FNDC3B: variants seen among roughly 807,000 people sequenced by gnomAD.
FNDC3B encodes fibronectin type III domain containing 3B.
A neutral mutation model predicts 151.5 loss-of-function variants in FNDC3B; 12 were observed. That is an observed-to-expected ratio of 0.08 (90% confidence interval 0.05 to 0.13). FNDC3B has a LOEUF of 0.13. Among genes scored for constraint, FNDC3B ranks in the 10% least tolerant of loss-of-function variants. The pLI, the probability that FNDC3B is intolerant of heterozygous loss-of-function variation, is 1.00. For missense variants in FNDC3B, 1,214 were observed against 1,505.3 expected (o/e 0.81, Z 3.20); for synonymous variants, 528 against 549.0 (o/e 0.96, Z 0.54).
At chr3:172,130,873 A>T (rs535191857) in intron 2 of FNDC3B, among the ~76,000 whole-genome samples, 1 of 152,256 alleles carries the variant, frequency 6.6e-6, no homozygotes, top group South Asian at 2.1e-4. Flanking sequence ...CAGCTAATTA[A>T]TTCCATGGGC....
intron 22 of FNDC3B, 23 bp downstream of exon 22, chr3:172,353,106 C>A: frequency 6.2e-7 from 1 of 1,606,152 alleles, no homozygotes; most frequent in Non-Finnish European, 8.5e-7. Context: ...GAGTAGAAAT[C>A]TGCATCAGCA....
chr3:172,247,729 A>G lies in FNDC3B; in HGVS notation c.461A>G (p.Gln154Arg). The G allele has an allele frequency of 6.2e-7, 1 of 1,614,116 alleles. No individual in the cohort carries two copies. The highest frequency in any genetic ancestry group is 1.7e-5 in the Admixed American group (1 of 60,012). ...ACCGGACCTGGAGATATGCCGCCTC[A>G]GTTTTTTCCCCAGCATCATCTTCCC... The part of the protein sequence containing the change: ...PVTGPGDMPP[Q>R]FFPQHHLPHT... Residue 154 changes from glutamine (Q) to arginine (R), a missense_variant, in exon 5 of 26, where the codon CAG becomes CGG. This residue lies in a region of FNDC3B where 166 missense variants were observed against 173.2 expected (regional missense o/e 0.96). Transcript: ENST00000415807.
intron 1 of FNDC3B, among the ~76,000 whole-genome samples, chr3:172,072,870 C>T (rs889544252): frequency 3.3e-5 from 5 of 152,174 alleles, no homozygotes; most frequent in Admixed American, 1.3e-4. Context: ...GCCACATAAA[C>T]GGTGACACTG....
intron 6 of FNDC3B, among the ~76,000 whole-genome samples, chr3:172,268,453 G>A (rs1729026906): frequency 6.6e-6 from 1 of 152,204 alleles, no homozygotes; most frequent in Non-Finnish European, 1.5e-5. Flanking sequence ...GGGAAAAAGT[G>A]TTTTGGCCAG....
At chr3:172,078,754 C>T (rs945103326) in intron 1 of FNDC3B, among the ~76,000 whole-genome samples, 1 of 152,172 alleles carries the variant, frequency 6.6e-6, no homozygotes, top group Non-Finnish European at 1.5e-5. Flanking sequence ...TAGCTTTCTG[C>T]CCGCTGCCAC....
intron 3 of FNDC3B, among the ~76,000 whole-genome samples, chr3:172,220,532 T>A (rs532563847): frequency 8.7e-4 from 133 of 152,350 alleles, no homozygotes; most frequent in African/African-American, 3.1e-3. Context: ...ATGAAGTTCA[T>A]TTTATCTGTC....
intron 17 of FNDC3B, 109 bp downstream of exon 17, chr3:172,341,340 C>T: frequency 1.3e-6 from 1 of 794,552 alleles, no homozygotes; most frequent in South Asian, 1.4e-5. Context: ...GGTAATGCAA[C>T]CTAATAGTAT....
chr3:172,225,519 C>T (rs895003977), intron 3 of FNDC3B: 4 of 198,016 alleles, frequency 2.0e-5, no homozygotes, highest in Non-Finnish European at 4.3e-5. Flanking sequence ...AAAACTCCAG[C>T]ATCACATTCA....
intron 25 of FNDC3B, among the ~76,000 whole-genome samples, chr3:172,385,078 T>C (rs1312994507): frequency 2.6e-5 from 4 of 152,180 alleles, no homozygotes. Context: ...GTTTCTTTTT[T>C]TTTTTTCTGG....
In FNDC3B at chr3:172,398,054, T is replaced by C. The variant is rs1736384648; in HGVS notation, c.*579T>C. The C allele has an allele frequency of 6.6e-6, 1 of 152,662 alleles. No homozygotes were observed. The highest frequency in any genetic ancestry group is 2.4e-5 in the African/African-American group (1 of 41,456). The allele number at this position is 152,662 out of a possible 1,614,324, so 9.5% of individuals were successfully genotyped here. ...CTCATTTAAATCAAAATGTGTACTT[T>C]AATCTAAAATGTTTTAATAATCTGT... On this transcript the variant is annotated 3_prime_UTR_variant, in exon 26 of 26. Coordinates refer to ENST00000415807, the MANE Select transcript of FNDC3B (RefSeq NM_022763.4).
intron 4 of FNDC3B, among the ~76,000 whole-genome samples, chr3:172,229,967 G>A (rs974621719): frequency 1.3e-5 from 2 of 152,076 alleles, no homozygotes; most frequent in Admixed American, 1.3e-4. Flanking sequence ...CATGCAAAAA[G>A]AGTGAAGTTG....
chr3:172,293,983 C>T (rs1286804620), intron 7 of FNDC3B, among the ~76,000 whole-genome samples: 1 of 152,182 alleles, frequency 6.6e-6, no homozygotes, highest in Non-Finnish European at 1.5e-5. Flanking sequence ...TCTTTGTGAA[C>T]ATTAAGCTTT....
chr3:172,330,590 A>T lies in FNDC3B; in HGVS notation c.1429A>T (p.Met477Leu). Residue 477 changes from methionine (M) to leucine (L), a missense_variant, in exon 13 of 26, where the codon ATG (methionine) becomes TTG (leucine). Around this residue, in one of 7 missense-constraint regions of FNDC3B, gnomAD observed 111 missense variants for 96.8 expected, o/e 1.15. Transcript: ENST00000415807. ...VCYTLGNIPQ[M>L]PSAPRLVRAG... ...CTACACATTAGGAAATATCCCTCAG[A>T]TGCCTTCTGCACCAAGGCTGGTTCG... The T allele has an allele frequency of 6.2e-7, 1 of 1,614,164 alleles. No individual in the cohort carries two copies. Among genetic ancestry groups the T allele is most frequent in the South Asian group, 1.1e-5 (1 of 91,074 alleles).
At chr3:172,102,601 C>CT (rs1290830798) in intron 1 of FNDC3B, among the ~76,000 whole-genome samples, 2 of 152,174 alleles carry the variant, frequency 1.3e-5, no homozygotes, top group Non-Finnish European at 2.9e-5. Flanking sequence ...ACACAGAGAG[C>CT]TTACATAGGA....
At chr3:172,105,595 C>A (rs1211880783) in intron 1 of FNDC3B, among the ~76,000 whole-genome samples, 1 of 136,838 alleles carries the variant, frequency 7.3e-6, no homozygotes, top group Non-Finnish European at 1.6e-5. Flanking sequence ...CAGGAATTTT[C>A]TTCCCCCATT....
At chr3:172,205,868 A>C (rs1725396087) in intron 3 of FNDC3B, among the ~76,000 whole-genome samples, 1 of 152,212 alleles carries the variant, frequency 6.6e-6, no homozygotes, top group African/African-American at 2.4e-5. Flanking sequence ...TGGTTGAATT[A>C]CATTGTGGTC....
intron 11 of FNDC3B, 98 bp downstream of exon 11, chr3:172,310,979 A>T: frequency 1.1e-6 from 1 of 888,220 alleles, no homozygotes; most frequent in East Asian, 2.4e-5. Flanking sequence ...CATGCTAAAC[A>T]CAGAAAAAAG....
intron 3 of FNDC3B, among the ~76,000 whole-genome samples, chr3:172,181,827 C>CAA (rs747723219): frequency 0.018 from 1,100 of 61,136 alleles, 24 homozygotes; most frequent in African/African-American, 0.035. Flanking sequence ...GACTCCATCT[C>CAA]AAAAAAAAAA....
chr3:172,395,833 C>G (rs1044414122), intron 25 of FNDC3B, among the ~76,000 whole-genome samples: 5 of 152,166 alleles, frequency 3.3e-5, no homozygotes, highest in Non-Finnish European at 7.4e-5. Flanking sequence ...TGAAAAGATG[C>G]GCAGCATCTT....
Sources: allele counts gnomAD v4.1 joint callset (sites outside exome capture counted in the v4.1 genomes callset), GRCh38; gene constraint gnomAD v4.1.1; regional missense constraint gnomAD v4.1.1; transcripts MANE v1.5; gene names NCBI Gene and HGNC (gene_info 2026-07-23, HGNC 2026-07-21).